FBXO10: variants seen among roughly 807,000 people sequenced by gnomAD.
FBXO10 encodes F-box only protein 10.
A neutral mutation model predicts 80.7 loss-of-function variants in FBXO10; 39 were observed. That is an observed-to-expected ratio of 0.48 (90% confidence interval 0.37 to 0.63). The LOEUF (loss-of-function observed/expected upper bound fraction) is 0.63, where lower values mean the gene tolerates loss of function less well. Ranked by LOEUF, FBXO10 falls within the 30% of genes least tolerant of loss-of-function variation. The pLI, the probability that FBXO10 is intolerant of heterozygous loss-of-function variation, is 0.00. For missense variants in FBXO10, 1,025 were observed against 1,269.0 expected (o/e 0.81, Z 2.92); for synonymous variants, 449 against 489.6 (o/e 0.92, Z 1.09).
At chr9:37,512,770 C>A in intron 10 of FBXO10, 49 bp from the exon 11 acceptor site, 1 of 1,573,856 alleles carries the variant, frequency 6.4e-7, no homozygotes, top group Non-Finnish European at 8.7e-7. Context: ...GTGTGCAGTG[C>A]TGGCTGAATG....
chr9:37,537,898 C>T lies in FBXO10; in HGVS notation c.631G>A (p.Gly211Arg), dbSNP rs776546467. ...VQFDNCNFEN[G>R]HIQVHGPGTC... is the part of the protein sequence containing the mutation. ...CCCGGGCCATGGACCTGGATGTGCC[C>T]GTTCTCAAAGTTGCAGTTGTCAAAC... The change falls in exon 3 of 11, where the codon GGG becomes AGG. Residue 211 changes from glycine to arginine, a missense_variant. Gly to Arg is a moderately radical substitution (Grantham distance 125). This residue lies in a region of FBXO10 where 450 missense variants were observed against 499.4 expected (regional missense o/e 0.90). Coordinates refer to ENST00000432825, the MANE Select transcript of FBXO10 (RefSeq NM_012166.3). 10 of 1,613,688 alleles carry T rather than the reference C, an allele frequency of 6.2e-6. No homozygotes were observed. The South Asian group carries it at 9.9e-5, about 16-fold the overall frequency.
rs113063019 is a variant in FBXO10, at chr9:37,525,172, G to A, written c.1707C>T (p.Ser569=). Residue 569 remains serine (S), a splice_region_variant and synonymous_variant, in exon 6 of 11, where the codon AGC becomes AGT. Transcript: ENST00000432825. ...CACGGCCCTTGAAGATGTGGTTCCC[G>A]CTAAAGTGGAAGGAAAACAAAACAA... ...YILYHGNPVV[S]GNHIFKGRAA... 18 of 1,560,310 alleles carry A rather than the reference G, an allele frequency of 1.2e-5. No homozygotes were observed. The highest frequency in any genetic ancestry group is 2.4e-5 in the South Asian group (2 of 84,454).
intron 5 of FBXO10, among the ~76,000 whole-genome samples, chr9:37,525,672 G>T (rs1821453101): frequency 6.6e-6 from 1 of 151,864 alleles, no homozygotes; most frequent in African/African-American, 2.4e-5. Flanking sequence ...GCCTCAGCCT[G>T]GATTACACGT....
chr9:37,555,800 A>G (rs1209238799), intron 1 of FBXO10, among the ~76,000 whole-genome samples: 1 of 151,880 alleles, frequency 6.6e-6, no homozygotes, highest in African/African-American at 2.4e-5. Context: ...TTGCCTTTTC[A>G]TTGTCTTAAT....
chr9:37,553,916 CAAAAAAAAAAAA>C (rs71494669), intron 1 of FBXO10, among the ~76,000 whole-genome samples: 3 of 64,332 alleles, frequency 4.7e-5, no homozygotes, highest in Non-Finnish European at 8.4e-5. Context: ...AAGTCTGCCT[CAAAAAAAAAAAA>C]AAAAAAAAAA....
chr9:37,569,185 A>G (rs1006281687), intron 1 of FBXO10, among the ~76,000 whole-genome samples: 2 of 152,112 alleles, frequency 1.3e-5, no homozygotes, highest in African/African-American at 4.8e-5. Context: ...CAGTTACAGA[A>G]AAGATGCAAC....
chr9:37,555,644 G>T (rs1822316562), intron 1 of FBXO10, among the ~76,000 whole-genome samples: 1 of 152,152 alleles, frequency 6.6e-6, no homozygotes, highest in Non-Finnish European at 1.5e-5. Context: ...GCCTCCCAAA[G>T]CACTGGGATT....
chr9:37,515,423 C>T (rs1001206961), intron 10 of FBXO10: 1 of 152,746 alleles, frequency 6.5e-6, no homozygotes, highest in African/African-American at 2.4e-5. Flanking sequence ...GTTTTGTTGT[C>T]AGAACACTGA....
At chr9:37,516,293 G>T (rs1313636737) in intron 9 of FBXO10, among the ~76,000 whole-genome samples, 1 of 152,174 alleles carries the variant, frequency 6.6e-6, no homozygotes, top group Non-Finnish European at 1.5e-5. Context: ...TGAGTTGTAG[G>T]CATTTATCAG....
intron 1 of FBXO10, among the ~76,000 whole-genome samples, chr9:37,548,991 ACCCG>A (rs948635394): frequency 6.6e-6 from 1 of 151,858 alleles, no homozygotes; most frequent in Non-Finnish European, 1.5e-5. Flanking sequence ...CTCATGATCC[ACCCG>A]CCTCGGCCTC....
At chr9:37,536,954 C>T (rs1564341959) in intron 3 of FBXO10, among the ~76,000 whole-genome samples, 156 bp downstream of exon 3, 1 of 152,126 alleles carries the variant, frequency 6.6e-6, no homozygotes, top group African/African-American at 2.4e-5. Flanking sequence ...TGAGAAAAAG[C>T]GTTTCTGTCC....
At chr9:37,542,596 C>A (rs74971763) in intron 1 of FBXO10, among the ~76,000 whole-genome samples, 72 of 126,146 alleles carry the variant, frequency 5.7e-4, no homozygotes, top group Non-Finnish European at 5.2e-4. Context: ...ATCTCCATCT[C>A]AAAAAAAAAA....
At chr9:37,519,249 A>G (rs546752384) in intron 8 of FBXO10, among the ~76,000 whole-genome samples, 54 of 152,352 alleles carry the variant, frequency 3.5e-4, no homozygotes, top group African/African-American at 1.3e-3. Context: ...ATTTTGGAGT[A>G]CAAAAACTTA....
chr9:37,560,256 C>T (rs1822444423), intron 1 of FBXO10, among the ~76,000 whole-genome samples: 1 of 152,134 alleles, frequency 6.6e-6, no homozygotes, highest in African/African-American at 2.4e-5. Flanking sequence ...ATTTCTTTCC[C>T]TTAGGATGAT....
chr9:37,562,343 T>TC (rs1822503093), intron 1 of FBXO10, among the ~76,000 whole-genome samples: 1 of 152,148 alleles, frequency 6.6e-6, no homozygotes. Flanking sequence ...TCTTGGTCGC[T>TC]CACAAATTCT....
intron 3 of FBXO10, among the ~76,000 whole-genome samples, chr9:37,532,775 C>CA (rs1821662975): frequency 6.6e-6 from 1 of 152,192 alleles, no homozygotes; most frequent in African/African-American, 2.4e-5. Flanking sequence ...GAGTGGTCTT[C>CA]AAACTTTACA....
At chr9:37,523,809 C>T (rs1449067705) in intron 6 of FBXO10, among the ~76,000 whole-genome samples, 1 of 152,080 alleles carries the variant, frequency 6.6e-6, no homozygotes. Flanking sequence ...CCCAGCTACT[C>T]GGGAGGCTGA....
In FBXO10 at chr9:37,537,583, T is replaced by C; in HGVS notation, c.946A>G (p.Ser316Gly). ...PKTCDIVIEG[S>G]QSPTSPASSS... ...GAGGCTGGGCTGGTAGGGCTCTGGCTGCCCTCGATAACAATGTCACAGGTC... is the reference window on the plus strand; with the variant it reads ...GAGGCTGGGCTGGTAGGGCTCTGGCCGCCCTCGATAACAATGTCACAGGTC... The change falls in exon 3 of 11, where the codon AGC (serine) becomes GGC (glycine). Residue 316 changes from serine (S) to glycine (G), a missense_variant. By Grantham distance (56) the Ser-to-Gly change is moderately conservative. Transcript: ENST00000432825. 6.2e-7 allele frequency: 1 copy of C among 1,613,828 alleles called. No individual in the cohort carries two copies. The highest frequency in any genetic ancestry group is 1.1e-5 in the South Asian group (1 of 91,050).
At chr9:37,564,386 G>A (rs1363563536) in intron 1 of FBXO10, among the ~76,000 whole-genome samples, 1 of 152,284 alleles carries the variant, frequency 6.6e-6, no homozygotes, top group East Asian at 1.9e-4. Context: ...CTCCACGGGG[G>A]CACTGCCCAG....
Sources: allele counts gnomAD v4.1 joint callset (sites outside exome capture counted in the v4.1 genomes callset), GRCh38; gene constraint gnomAD v4.1.1; regional missense constraint gnomAD v4.1.1; transcripts MANE v1.5; gene names NCBI Gene and HGNC (gene_info 2026-07-23, HGNC 2026-07-21).